Variants in TEKTL1 observed in about 807,000 individuals in gnomAD.
The protein encoded by TEKTL1 is tektin-like protein 1.
At chr19:15,022,950 G>T in the TEKTL1 span, 2 of 1,612,066 alleles carry the variant, frequency 1.2e-6, no homozygotes, top group East Asian at 2.2e-5. Flanking sequence ...AAGAACCTCA[G>T]CTGGGGCCTC....
chr19:15,019,985 C>T, the TEKTL1 span, among the ~76,000 whole-genome samples: 6 of 146,256 alleles, frequency 4.1e-5, no homozygotes, highest in Non-Finnish European at 9.0e-5. Flanking sequence ...TATATATATA[C>T]CCATAAGTAA....
At chr19:15,018,972 A>G in the TEKTL1 span, among the ~76,000 whole-genome samples, 2 of 151,896 alleles carry the variant, frequency 1.3e-5, no homozygotes, top group Admixed American at 1.3e-4. Context: ...GTTTTGAGAC[A>G]GGATCTCACT....
the TEKTL1 span, chr19:15,013,808 C>A: frequency 7.0e-7 from 1 of 1,438,754 alleles, no homozygotes; most frequent in Non-Finnish European, 9.7e-7. Context: ...GTTACGGGGG[C>A]TGGAGGGGGA....
the TEKTL1 span, among the ~76,000 whole-genome samples, chr19:15,011,628 G>A: frequency 1.2e-4 from 18 of 152,148 alleles, no homozygotes; most frequent in Non-Finnish European, 2.2e-4. Context: ...CAGCTACTTG[G>A]GAGGCTGAGG....
At chr19:15,014,142 A>C in the TEKTL1 span, among the ~76,000 whole-genome samples, 1 of 152,182 alleles carries the variant, frequency 6.6e-6, no homozygotes, top group Non-Finnish European at 1.5e-5. Context: ...TTTCAGCCCA[A>C]GTGACTAGAG....
chr19:15,014,826 C>A, the TEKTL1 span, among the ~76,000 whole-genome samples: 1 of 151,242 alleles, frequency 6.6e-6, no homozygotes, highest in Non-Finnish European at 1.5e-5. Context: ...TCTGATGATT[C>A]CTGAAATATC....
chr19:15,013,868 T>C, the TEKTL1 span: 1 of 738,556 alleles, frequency 1.4e-6, no homozygotes. Context: ...ACTGTCACAA[T>C]AGCAATTCCT....
At chr19:15,021,805 G>A in the TEKTL1 span, 1 of 1,613,912 alleles carries the variant, frequency 6.2e-7, no homozygotes, top group Non-Finnish European at 8.5e-7. Flanking sequence ...CACCCCACCA[G>A]GGTCCTCTGT....
the TEKTL1 span, chr19:15,021,740 GTGGAGGCAGGGGTGCCGGTGGC>G: frequency 1.9e-6 from 3 of 1,612,576 alleles, no homozygotes; most frequent in Non-Finnish European, 2.5e-6. Flanking sequence ...GCCTTCGGGG[GTGGAGGCAGGGGTGCCGGTGGC>G]TGGAGGCTGG....
the TEKTL1 span, chr19:15,021,767 G>C: frequency 5.6e-6 from 9 of 1,612,130 alleles, no homozygotes; most frequent in African/African-American, 4.0e-5. Flanking sequence ...GGTGGCTGGA[G>C]GCTGGGTTTC....
the TEKTL1 span, chr19:15,020,335 T>C: frequency 3.8e-6 from 3 of 799,808 alleles, no homozygotes; most frequent in Non-Finnish European, 5.8e-6. Context: ...AGAGTGTCAG[T>C]TTCCGTTTAG....
chr19:15,015,724 A>G, the TEKTL1 span, among the ~76,000 whole-genome samples: 1 of 151,002 alleles, frequency 6.6e-6, no homozygotes, highest in Non-Finnish European at 1.5e-5. Flanking sequence ...GAAGGAGGGA[A>G]GGAACAGAAC....
At chr19:15,023,054 C>A in the TEKTL1 span, 3 of 1,611,404 alleles carry the variant, frequency 1.9e-6, no homozygotes, top group Admixed American at 1.7e-5. Context: ...GCAGGCGCAG[C>A]GCCTGGTTAA....
At chr19:15,021,320 T>C in the TEKTL1 span, 14 of 1,607,564 alleles carry the variant, frequency 8.7e-6, no homozygotes, top group Non-Finnish European at 1.2e-5. Flanking sequence ...ACGGAGGACT[T>C]GGCACCCCCA....
chr19:15,013,764 G>A, the TEKTL1 span: 9 of 1,611,788 alleles, frequency 5.6e-6, no homozygotes, highest in Non-Finnish European at 7.6e-6. Flanking sequence ...AAAAATCAGA[G>A]GTCCTACTCA....
chr19:15,013,620 CT>C, the TEKTL1 span: 1 of 1,394,246 alleles, frequency 7.2e-7, no homozygotes. Context: ...AAAGAGGAAT[CT>C]CTTCCCAGCC....
chr19:15,014,835 T>C, the TEKTL1 span, among the ~76,000 whole-genome samples: 1 of 151,808 alleles, frequency 6.6e-6, no homozygotes, highest in East Asian at 1.9e-4. Flanking sequence ...TCCTGAAATA[T>C]CCTTCCAGGA....
the TEKTL1 span, among the ~76,000 whole-genome samples, chr19:15,013,344 G>A: frequency 6.6e-6 from 1 of 152,102 alleles, no homozygotes; most frequent in African/African-American, 2.4e-5. Context: ...CTGAGGAAGG[G>A]GTGCCCAGCT....
chr19:15,014,724 G>A, the TEKTL1 span, among the ~76,000 whole-genome samples: 1 of 128,630 alleles, frequency 7.8e-6, no homozygotes, highest in African/African-American at 3.0e-5. Context: ...GAGACTCAGT[G>A]GGGGGGCGGG....
Sources: allele counts gnomAD v4.1 joint callset (sites outside exome capture counted in the v4.1 genomes callset), GRCh38; gene constraint gnomAD v4.1.1; transcripts MANE v1.5; gene names NCBI Gene and HGNC (gene_info 2026-07-23, HGNC 2026-07-21).